The following HERC2 variants were observed in gnomAD, a reference collection of about 807,000 sequenced individuals.
HERC2 encodes E3 ubiquitin-protein ligase HERC2.
HERC2 carries 102 observed loss-of-function variants against 537.7 expected under a neutral mutation model. The observed-to-expected ratio is 0.19, with a 90% CI of 0.16 to 0.22. HERC2 has a LOEUF of 0.22. Among genes scored for constraint, HERC2 ranks in the 10% least tolerant of loss-of-function variants. HERC2 has a pLI of 1.00. For missense variants in HERC2, 4,236 were observed against 6,198.2 expected, an observed-to-expected ratio of 0.68 and a Z score of 10.63; for synonymous variants, 2,224 against 2,466.2, an observed-to-expected ratio of 0.90 and a Z score of 2.91.
chr15:28,263,944 G>A (rs1235892973), intron 14 of HERC2, among the ~76,000 whole-genome samples: 1 of 150,702 alleles, frequency 6.6e-6, no homozygotes, highest in Non-Finnish European at 1.5e-5. Flanking sequence ...GCTTGACCCC[G>A]GGAGGTGGAG....
rs775380347 is a variant in HERC2, at chr15:28,256,006, A to G, written c.2747-10T>C. On this transcript the variant is annotated splice_polypyrimidine_tract_variant and intron_variant, in intron 18 of 92. Transcript: ENST00000261609. ...ACTTCATTGCCTGAAACTGAAATAG[A>G]AAGTGTGTGCCAATTTGAGTGAAAC... 1.2e-6 allele frequency: 2 copies of G among 1,605,732 alleles called. No individual in the cohort carries two copies. Among genetic ancestry groups the G allele is most frequent in the South Asian group, 1.1e-5 (1 of 91,074 alleles).
chr15:28,144,677 A>C lies in HERC2; in HGVS notation c.11136T>G (p.Ala3712=), dbSNP rs780198484. 1 of 1,614,216 alleles carries C rather than the reference A, an allele frequency of 6.2e-7. No individual in the cohort carries two copies. Among genetic ancestry groups the C allele is most frequent in the Admixed American group, 1.7e-5 (1 of 60,028 alleles). ...CGCCATAAGCCCCTTCCTTACCAGC[A>C]GCTGGCATGATGGGATAGACGGTGA... The part of the protein sequence containing the change: ...WRFTVYPIMP[A]AGPKELLSDR... The change falls in exon 72 of 93, where the codon GCT becomes GCG. Residue 3712 remains alanine, a synonymous_variant. Transcript: ENST00000261609.
chr15:28,148,514 T>C (rs1403234432), intron 70 of HERC2, among the ~76,000 whole-genome samples: 2 of 151,940 alleles, frequency 1.3e-5, no homozygotes, highest in African/African-American at 2.4e-5. Flanking sequence ...CAAGAGAACG[T>C]CCTGCAAAAC....
At position 28,177,299 on chromosome 15, in the gene HERC2, TTTTG is replaced by T. The variant is rs1355732774; in HGVS notation, c.9254+116_9254+119del. On this transcript the variant is annotated intron_variant, in intron 60 of 92. Coordinates refer to ENST00000261609, the MANE Select transcript of HERC2 (RefSeq NM_004667.6). The surrounding 1 kb of genome is among the most constrained non-coding windows in gnomAD (Gnocchi z 5.0). ...AACACAAACAACCGTGTTAAAAAAA[TTTTG>T]TTTAAGAACCATTTCTATAATCTAT... The T allele has an allele frequency of 2.0e-5, 26 of 1,273,894 alleles. No homozygotes were observed. The highest frequency in any genetic ancestry group is 1.4e-4 in the South Asian group (10 of 71,676). The allele number at this position is 1,273,894 out of a possible 1,614,324, so 78.9% of individuals were successfully genotyped here. A position where few individuals can be genotyped will look rare whatever the true frequency, so the allele number is the denominator to read the frequency against.
intron 89 of HERC2, 166 bp downstream of exon 89, chr15:28,115,263 T>A (rs1888095769): frequency 1.6e-4 from 7 of 42,822 alleles, no homozygotes; most frequent in Non-Finnish European, 3.0e-4. Context: ...AGATGGTCTA[T>A]TTTTTTTTTT....
At chr15:28,225,703 AAAAAAAAAAAAAG>A (rs1236863526) in intron 35 of HERC2, among the ~76,000 whole-genome samples, 3 of 151,032 alleles carry the variant, frequency 2.0e-5, no homozygotes, top group Admixed American at 1.3e-4. Flanking sequence ...TCTCAAAAAA[AAAAAAAAAAAAAG>A]AAAGAAAAAA....
At chr15:28,114,938 C>T in intron 89 of HERC2, 136 bp from the exon 90 acceptor site, 1 of 641,170 alleles carries the variant, frequency 1.6e-6, no homozygotes. Context: ...AAGTGCATGG[C>T]ACACACCAAG....
At chr15:28,183,898 T>G (rs930925722) in intron 56 of HERC2, among the ~76,000 whole-genome samples, 1 of 152,178 alleles carries the variant, frequency 6.6e-6, no homozygotes, top group African/African-American at 2.4e-5. Context: ...CTTAAAAATA[T>G]GTATGGGGAC....
At chr15:28,141,660 A>G (rs533043936) in intron 77 of HERC2, 30 bp from the exon 78 acceptor site, 1 of 1,613,070 alleles carries the variant, frequency 6.2e-7, no homozygotes, top group African/African-American at 1.3e-5. Flanking sequence ...AGCATTTGCC[A>G]TGGGCAAGAA....
intron 44 of HERC2, among the ~76,000 whole-genome samples, chr15:28,206,875 G>A (rs1392220682): frequency 6.7e-6 from 1 of 149,840 alleles, no homozygotes; most frequent in African/African-American, 2.4e-5. Flanking sequence ...ACTGGGCGTG[G>A]TGGTGCGTGC....
intron 8 of HERC2, among the ~76,000 whole-genome samples, chr15:28,272,602 G>T (rs969641025): frequency 1.3e-5 from 2 of 151,114 alleles, no homozygotes; most frequent in African/African-American, 2.4e-5. Flanking sequence ...CAGTTAAGAA[G>T]CTCAAAGAGC....
intron 92 of HERC2, among the ~76,000 whole-genome samples, chr15:28,112,240 T>C (rs1310513945): frequency 6.6e-6 from 1 of 152,180 alleles, no homozygotes; most frequent in Non-Finnish European, 1.5e-5. Context: ...ACTATGGAGA[T>C]GATGGCTCTC....
At chr15:28,132,056 C>A in intron 81 of HERC2, 44 bp downstream of exon 81, 1 of 1,491,620 alleles carries the variant, frequency 6.7e-7, no homozygotes, top group Non-Finnish European at 9.0e-7. Flanking sequence ...GGCCCGACTG[C>A]GGTGAGCTGG....
At chr15:28,132,966 A>T (rs1890256997) in intron 79 of HERC2, 136 bp from the exon 80 acceptor site, 2 of 725,684 alleles carry the variant, frequency 2.8e-6, no homozygotes, top group Non-Finnish European at 4.1e-6. Flanking sequence ...TTCAGACCTA[A>T]ACTCAAAAGT....
intron 35 of HERC2, among the ~76,000 whole-genome samples, chr15:28,224,149 C>CACA (rs1321759830): frequency 0.019 from 2,467 of 133,028 alleles, 36 homozygotes; most frequent in Middle Eastern, 0.047. Flanking sequence ...ACACACACAC[C>CACA]CACACACACA....
intron 20 of HERC2, among the ~76,000 whole-genome samples, chr15:28,249,159 T>G (rs1049898905): frequency 3.3e-5 from 5 of 152,202 alleles, no homozygotes; most frequent in African/African-American, 1.2e-4. Context: ...CATTATTTTT[T>G]GTCCAAAGCT....
chr15:28,274,771 T>C (rs2075827050), intron 6 of HERC2, 134 bp downstream of exon 6: 3 of 731,368 alleles, frequency 4.1e-6, no homozygotes, highest in Non-Finnish European at 7.0e-6. Context: ...GCCTCTCATC[T>C]CACAAGCAAG....
chr15:28,314,647 G>A (rs1445516261), intron 2 of HERC2, among the ~76,000 whole-genome samples: 1 of 152,026 alleles, frequency 6.6e-6, no homozygotes, highest in Non-Finnish European at 1.5e-5. Context: ...ATGAGGTCAG[G>A]AGTTCAAGAC....
At position 28,152,764 on chromosome 15, in the gene HERC2, C is replaced by T. The variant is rs1245462043; in HGVS notation, c.10813G>A (p.Gly3605Ser). 8 of 1,552,792 alleles carry T rather than the reference C, an allele frequency of 5.2e-6. No homozygotes were observed. The highest frequency in any genetic ancestry group is 3.6e-5 in the South Asian group (3 of 84,166). The change falls in exon 70 of 93, where the codon GGC becomes AGC. Residue 3605 changes from glycine to serine, a missense_variant. Gly to Ser is a moderately conservative substitution (Grantham distance 56). Transcript: ENST00000261609. ...ACCACAGGCTGAGAAGAGAGGCGGC[C>T]GCTCTGCGAGTCTGTGGCCACATCC... ...LEDVATDSQS[G>S]RLSSQPVVVE...
Sources: allele counts gnomAD v4.1 joint callset (sites outside exome capture counted in the v4.1 genomes callset), GRCh38; gene constraint gnomAD v4.1.1; non-coding constraint Gnocchi (gnomAD v3.1); transcripts MANE v1.5; gene names NCBI Gene and HGNC (gene_info 2026-07-23, HGNC 2026-07-21).